The following CCNI2 variants were observed in gnomAD, a reference collection of about 807,000 sequenced individuals.
CCNI2 encodes the protein cyclin I family member 2, also known as cyclin-I2.
CCNI2 carries 32 observed loss-of-function variants against 33.2 expected under a neutral mutation model. That is an observed-to-expected ratio of 0.96 (90% confidence interval 0.73 to 1.30). CCNI2 has a LOEUF of 1.30. Ranked by LOEUF, CCNI2 falls within the 50% of genes most tolerant of loss-of-function variation. The probability of loss-of-function intolerance (pLI) is 0.00; values close to 1 mark genes in which losing one functional copy is unlikely to be tolerated. For missense variants in CCNI2, 452 were observed against 486.2 expected, an observed-to-expected ratio of 0.93 and a Z score of 0.66; for synonymous variants, 231 against 219.9, an observed-to-expected ratio of 1.05 and a Z score of -0.45.
At chr5:132,750,646 A>AGG (rs1326809202) in intron 3 of CCNI2, among the ~76,000 whole-genome samples, 1 of 152,166 alleles carries the variant, frequency 6.6e-6, no homozygotes, top group African/African-American at 2.4e-5. Flanking sequence ...CCGGTTTCAG[A>AGG]GGGGGACCAT....
At chr5:132,752,348 C>T (rs1754920881) in intron 5 of CCNI2, 152 bp downstream of exon 5, 5 of 887,600 alleles carry the variant, frequency 5.6e-6, no homozygotes, top group Non-Finnish European at 8.4e-6. Flanking sequence ...CTAGGCTTTC[C>T]ACACTTGGTC....
Position 132,747,968 on chromosome 5 carries a change from G to T in CCNI2, c.429+44G>T. 7.4e-7 allele frequency: 1 copy of T among 1,357,868 alleles called. No homozygotes were observed. Among genetic ancestry groups the T allele is most frequent in the Non-Finnish European group, 9.4e-7 (1 of 1,060,482 alleles). The allele number at this position is 1,357,868 out of a possible 1,614,324, so 84.1% of individuals were successfully genotyped here. ...TGGCCCTCCTCGCGCGTGCACGGCA[G>T]GCGGATGTGGCCTCCACCTGCACCC... On this transcript the variant is annotated intron_variant, in intron 1 of 5. Coordinates refer to ENST00000378731, the MANE Select transcript of CCNI2 (RefSeq NM_001039780.4). The surrounding 1 kb of genome is among the most constrained non-coding windows in gnomAD (Gnocchi z 4.1).
chr5:132,751,086 C>T (rs1475367588), intron 4 of CCNI2, 89 bp downstream of exon 4: 69 of 1,472,046 alleles, frequency 4.7e-5, no homozygotes, highest in African/African-American at 1.1e-4. Flanking sequence ...AAAGCACAGG[C>T]GTGCACACGC....
downstream of CCNI2, chr5:132,755,882 G>A: frequency 1.3e-6 from 1 of 799,746 alleles, no homozygotes; most frequent in East Asian, 1.3e-4. Flanking sequence ...TACAGAAGTA[G>A]ATCAACCTCC....
chr5:132,748,430 T>G lies in CCNI2; in HGVS notation c.513T>G (p.Phe171Leu), dbSNP rs752015260. Residue 171 changes from phenylalanine (F) to leucine (L), a missense_variant, in exon 2 of 6, where the codon TTT becomes TTG. Coordinates refer to ENST00000378731, the MANE Select transcript of CCNI2 (RefSeq NM_001039780.4). ...QNTFYFSQST[F>L]NLALTIFGRL... is the part of the protein sequence containing the mutation. ...CCTTTTACTTCTCCCAGTCCACTTT[T>G]AACCTGGCCCTCACCATCTTTGGCC... The G allele has an allele frequency of 2.0e-5, 33 of 1,614,052 alleles. No homozygotes were observed. The highest frequency in any genetic ancestry group is 2.5e-5 in the Non-Finnish European group (30 of 1,180,016).
Position 132,749,378 on chromosome 5 carries a change from A to G in CCNI2, c.589A>G (p.Ile197Val), listed in dbSNP as rs1445084369. Reference protein sequence around the residue: ...VKEKYLHCATITSLRLAAKVN... With the variant: ...VKEKYLHCATVTSLRLAAKVN... ...AGAGAAATACCTGCATTGCGCCACAATTACTTCCTTGAGGCTCGCTGCAAA... is the reference window on the plus strand; with the variant it reads ...AGAGAAATACCTGCATTGCGCCACAGTTACTTCCTTGAGGCTCGCTGCAAA... Residue 197 changes from isoleucine to valine, a missense_variant, in exon 3 of 6, where the codon ATT becomes GTT. Transcript: ENST00000378731. 2 of 1,614,208 alleles carry G rather than the reference A, an allele frequency of 1.2e-6. No individual in the cohort carries two copies. The highest frequency in any genetic ancestry group is 3.3e-5 in the Admixed American group (2 of 60,012).
intron 3 of CCNI2, among the ~76,000 whole-genome samples, chr5:132,750,511 A>T (rs1412369739): frequency 1.3e-5 from 2 of 152,142 alleles, no homozygotes; most frequent in African/African-American, 2.4e-5. Context: ...GAATAGGGAG[A>T]GGCAGAACCC....
intron 3 of CCNI2, 134 bp from the exon 4 acceptor site, chr5:132,750,723 C>A: frequency 2.3e-6 from 2 of 863,694 alleles, no homozygotes; most frequent in Non-Finnish European, 3.5e-6. Context: ...GTATTTCTTT[C>A]AGAAGCATTT....
chr5:132,748,516 A>G (rs1419906001), intron 2 of CCNI2, 41 bp downstream of exon 2: 1 of 1,610,980 alleles, frequency 6.2e-7, no homozygotes, highest in Non-Finnish European at 8.5e-7. Flanking sequence ...TGGTGAGAGA[A>G]GAAACTAACC....
Position 132,753,184 on chromosome 5 carries a change from T to C in CCNI2, c.*214T>C, listed in dbSNP as rs1176207814. The C allele has an allele frequency of 1.4e-5, 8 of 563,438 alleles. No individual in the cohort carries two copies. In the East Asian group the frequency reaches 1.4e-4, roughly 10 times the overall value. 34.9% of individuals were successfully genotyped at this position (563,438 alleles called of 1,614,324 possible). ...GTCAGTAGAGGTCAGGGTGGTCTGA[T>C]AGACTATGACCCTGTCTTCCCTTTT... On this transcript the variant is annotated 3_prime_UTR_variant, in exon 6 of 6. Coordinates refer to ENST00000378731, the MANE Select transcript of CCNI2 (RefSeq NM_001039780.4).
At chr5:132,751,158 G>A in intron 4 of CCNI2, 161 bp downstream of exon 4, 1 of 678,722 alleles carries the variant, frequency 1.5e-6, no homozygotes, top group African/African-American at 1.8e-5. Flanking sequence ...AGAGTGAAAA[G>A]GTATCTTAAA....
At chr5:132,751,237 G>A (rs1754818200) in intron 4 of CCNI2, 2 of 431,650 alleles carry the variant, frequency 4.6e-6, no homozygotes, top group East Asian at 7.6e-5. Flanking sequence ...ATTTTTAGAC[G>A]GCACTATTAT....
At position 132,750,905 on chromosome 5, in the gene CCNI2, T is replaced by TC. The variant is rs1348363496; in HGVS notation, c.686dup (p.Asn230GlufsTer2). On this transcript the variant is annotated frameshift_variant, in exon 4 of 6. Transcript: ENST00000378731. LOFTEE classifies it high-confidence loss of function. The stretch of plus-strand genomic sequence containing the variant: ...CACAAAGCACTATGGCTCTGACTAT[T>TC]CCCCGAATGAGCTGCTGAGGATGGA... 6.2e-7 allele frequency: 1 copy of TC among 1,614,152 alleles called. No individual in the cohort carries two copies. Among genetic ancestry groups the TC allele is most frequent in the African/African-American group, 1.3e-5 (1 of 74,956 alleles).
rs1397873361 is a variant in CCNI2, at chr5:132,748,444, C to T, written c.527C>T (p.Thr176Ile). 6.2e-7 allele frequency: 1 copy of T among 1,614,178 alleles called. No homozygotes were observed. The highest frequency in any genetic ancestry group is 8.5e-7 in the Non-Finnish European group (1 of 1,180,024). The change falls in exon 2 of 6, where the codon ACC becomes ATC. Residue 176 changes from threonine (T) to isoleucine (I), a missense_variant. Thr to Ile is a moderately conservative substitution (Grantham distance 89). Coordinates refer to ENST00000378731, the MANE Select transcript of CCNI2 (RefSeq NM_001039780.4). ...FSQSTFNLAL[T>I]IFGRLLISVK... ...CAGTCCACTTTTAACCTGGCCCTCA[C>T]CATCTTTGGCCGCCTCCTGATTTCA... is the stretch of plus-strand genomic sequence containing the variant.
At position 132,753,310 on chromosome 5, in the gene CCNI2, G is replaced by A. The variant is rs1026036528; in HGVS notation, c.*340G>A. 2.2e-5 allele frequency: 6 copies of A among 274,256 alleles called. No individual in the cohort carries two copies. Among genetic ancestry groups the A allele is most frequent in the Non-Finnish European group, 3.6e-5 (5 of 139,904 alleles). 17.0% of individuals were successfully genotyped at this position (274,256 alleles called of 1,614,324 possible). ...AGGGTTGGCATTGGCCCCTGGGAGC[G>A]CTGGAATATGAAACCAAGAGGCAGG... is the stretch of plus-strand genomic sequence containing the variant. On this transcript the variant is annotated 3_prime_UTR_variant, in exon 6 of 6. Coordinates refer to ENST00000378731, the MANE Select transcript of CCNI2 (RefSeq NM_001039780.4).
rs777269583 is a variant in CCNI2, at chr5:132,750,998, G to C, written c.774+1G>C. 1 of 1,613,356 alleles carries C rather than the reference G, an allele frequency of 6.2e-7. No homozygotes were observed. Among genetic ancestry groups the C allele is most frequent in the African/African-American group, 1.3e-5 (1 of 75,002 alleles). ...GACGCCGCTGGACTTCTTGACTATA[G>C]TGAGTAAGGAGGTGTTTACAGAGTC... On this transcript the variant is annotated splice_donor_variant, in intron 4 of 5. Transcript: ENST00000378731. LOFTEE classifies it high-confidence loss of function.
Position 132,747,617 on chromosome 5 carries a change from C to A in CCNI2, c.122C>A (p.Pro41Gln), listed in dbSNP as rs769825016. Residue 41 changes from proline to glutamine, a missense_variant, in exon 1 of 6, where the codon CCG (proline) becomes CAG (glutamine). By Grantham distance (76) the Pro-to-Gln change is moderately conservative (BLOSUM62 -1). Coordinates refer to ENST00000378731, the MANE Select transcript of CCNI2 (RefSeq NM_001039780.4). The surrounding 1 kb of genome is among the most constrained non-coding windows in gnomAD (Gnocchi z 4.1). The part of the protein sequence containing the change: ...EETALGVPLP[P>Q]SPGEAPLPRS... Reference sequence around the variant, plus strand: ...ACAGCCCTGGGCGTTCCTCTCCCGCCGTCTCCGGGGGAGGCCCCTCTGCCC... The same window carrying A: ...ACAGCCCTGGGCGTTCCTCTCCCGCAGTCTCCGGGGGAGGCCCCTCTGCCC... 13 of 1,501,112 alleles carry A rather than the reference C, an allele frequency of 8.7e-6. 1 individual carries two copies. The highest frequency in any genetic ancestry group is 2.0e-4 in the Middle Eastern group (1 of 4,994). The allele number at this position is 1,501,112 out of a possible 1,614,324, so 93.0% of individuals were successfully genotyped here.
chr5:132,748,616 G>C, intron 2 of CCNI2, 141 bp downstream of exon 2: 1 of 1,011,278 alleles, frequency 9.9e-7, no homozygotes, highest in Non-Finnish European at 1.4e-6. Context: ...GGAAGAGCTG[G>C]TGTTGGAACC....
intron 3 of CCNI2, among the ~76,000 whole-genome samples, chr5:132,750,311 T>G (rs146149730): frequency 6.6e-6 from 1 of 152,316 alleles, no homozygotes; most frequent in East Asian, 1.9e-4. Context: ...ACAAGCCTCA[T>G]TAGTCCCTCT....
Sources: gnomAD v4.1 joint callset for allele counts (sites outside exome capture counted in the v4.1 genomes callset) on GRCh38, gnomAD v4.1.1 for gene constraint, Gnocchi (gnomAD v3.1) non-coding constraint, MANE v1.5 for transcripts, NCBI Gene and HGNC (gene_info 2026-07-23, HGNC 2026-07-21) for gene names.